MICAL3: variants seen among roughly 807,000 people sequenced by gnomAD.
The protein encoded by MICAL3 is [F-actin]-monooxygenase MICAL3.
MICAL3 carries 62 observed loss-of-function variants against 207.4 expected under a neutral mutation model. The ratio of observed to expected loss-of-function variants is 0.30; its 90% confidence interval spans 0.24 to 0.37. MICAL3 has a LOEUF of 0.37. Among genes scored for constraint, MICAL3 ranks in the 10% least tolerant of loss-of-function variants. The pLI, the probability that MICAL3 is intolerant of heterozygous loss-of-function variation, is 1.00. For missense variants in MICAL3, 2,368 were observed against 2,635.6 expected (o/e 0.90, Z 2.22); for synonymous variants, 1,077 against 1,069.3 (o/e 1.01, Z -0.14).
intron 20 of MICAL3, among the ~76,000 whole-genome samples, chr22:17,833,778 C>T (rs1377205331): frequency 6.6e-6 from 1 of 152,154 alleles, no homozygotes; most frequent in African/African-American, 2.4e-5. Context: ...CAATCATTGC[C>T]TATGTAATAA....
In MICAL3 at chr22:17,935,834, G is replaced by A. The variant is rs150608527; in HGVS notation, c.-74-28948C>T. 4.1e-3 allele frequency among the ~76,000 whole-genome samples: 623 copies of A among 152,258 alleles called. 3 individuals carry two copies. The highest frequency in any genetic ancestry group is 0.014 in the African/African-American group (583 of 41,562). ...ACAGACACATGAAAAAATGCTCATC[G>A]TCACTGGTCATCAGAGAAATGCAAA... On this transcript the variant is annotated intron_variant, in intron 1 of 31. Transcript: ENST00000441493.
At chr22:17,935,959 C>T (rs187620543) in intron 1 of MICAL3, among the ~76,000 whole-genome samples, 50 of 152,236 alleles carry the variant, frequency 3.3e-4, no homozygotes, top group African/African-American at 1.1e-3. Context: ...GAAATAGGAA[C>T]GCTTTTACAC....
At chr22:18,008,550 A>T (rs1412716126) in intron 1 of MICAL3, among the ~76,000 whole-genome samples, 2 of 152,166 alleles carry the variant, frequency 1.3e-5, no homozygotes, top group East Asian at 3.9e-4. Flanking sequence ...GAAAGGCTCC[A>T]TGTTCTTGCC....
chr22:17,881,342 C>CAA, intron 16 of MICAL3: 1 of 1,514,540 alleles, frequency 6.6e-7, no homozygotes, highest in Non-Finnish European at 9.1e-7. Context: ...GAACATCATT[C>CAA]AAACAGTGGC....
intron 19 of MICAL3, chr22:17,863,522 T>G (rs1409427902): frequency 2.0e-6 from 2 of 985,320 alleles, no homozygotes; most frequent in Non-Finnish European, 2.4e-6. Flanking sequence ...ATAAAGATCT[T>G]CAAGATTGTA....
chr22:17,981,539 T>C (rs769137849), intron 1 of MICAL3, among the ~76,000 whole-genome samples: 1 of 152,152 alleles, frequency 6.6e-6, no homozygotes, highest in Non-Finnish European at 1.5e-5. Flanking sequence ...ACTTTCTCAA[T>C]GAACAAAACA....
chr22:17,965,511 C>G (rs1227107731), intron 1 of MICAL3, among the ~76,000 whole-genome samples: 1 of 152,170 alleles, frequency 6.6e-6, no homozygotes, highest in East Asian at 1.9e-4. Flanking sequence ...AGATGAGGCC[C>G]CCAGGAATAA....
rs1924670589 is a variant in MICAL3, at chr22:18,024,369, C to G, written c.-163G>C. ...GGGTGCCCGCAGGGCACAGGTGCCG[C>G]CGTGGCTGCTCGCACAACCCCTGCA... On this transcript the variant is annotated 5_prime_UTR_variant, in exon 1 of 32. Coordinates refer to ENST00000441493, the MANE Select transcript of MICAL3 (RefSeq NM_015241.3). The G allele has an allele frequency of 6.6e-6, 1 of 152,402 alleles. No individual in the cohort carries two copies. The highest frequency in any genetic ancestry group is 2.1e-4 in the South Asian group (1 of 4,834). The allele number at this position is 152,402 out of a possible 1,614,324, so 9.4% of individuals were successfully genotyped here.
intron 29 of MICAL3, among the ~76,000 whole-genome samples, chr22:17,797,334 C>T (rs2061887163): frequency 6.6e-6 from 1 of 152,066 alleles, no homozygotes; most frequent in African/African-American, 2.4e-5. Context: ...GACCCCGTCT[C>T]TACAACAATT....
At chr22:17,872,456 G>A (rs905051375) in intron 16 of MICAL3, among the ~76,000 whole-genome samples, 1 of 152,158 alleles carries the variant, frequency 6.6e-6, no homozygotes, top group Non-Finnish European at 1.5e-5. Context: ...GGCAGGAAGG[G>A]GCCCGAGGGT....
At chr22:17,886,120 G>C (rs1023648089) in intron 15 of MICAL3, 69 bp from the exon 16 acceptor site, 2 of 1,551,414 alleles carry the variant, frequency 1.3e-6, no homozygotes, top group Non-Finnish European at 1.8e-6. Context: ...CTCCCTCACA[G>C]AAGTGCACTC....
At chr22:17,863,850 A>G (rs184906613) in intron 19 of MICAL3, 18 of 985,230 alleles carry the variant, frequency 1.8e-5, no homozygotes, top group Non-Finnish European at 1.7e-5. Context: ...TCTATGACCA[A>G]CTCCTCCTCC....
chr22:17,906,472 G>C, intron 2 of MICAL3, 77 bp downstream of exon 2: 1 of 1,608,810 alleles, frequency 6.2e-7, no homozygotes, highest in African/African-American at 1.3e-5. Flanking sequence ...TATGGTGAAT[G>C]GCCAGAGATG....
chr22:17,877,522 G>GGAGGTTAGGGAGGTGAGGGAGGTTAT (rs1928925024), intron 16 of MICAL3, among the ~76,000 whole-genome samples: 1 of 51,708 alleles, frequency 1.9e-5, no homozygotes, highest in African/African-American at 7.9e-5. Context: ...AGGGAGGTTA[G>GGAGGTTAGGGAGGTGAGGGAGGTTAT]GGAGGTGAGG....
intron 19 of MICAL3, chr22:17,858,365 C>A: frequency 3.6e-6 from 2 of 552,412 alleles, no homozygotes; most frequent in Non-Finnish European, 4.6e-6. Context: ...TACTTGCTGG[C>A]ACTTGTGAGG....
chr22:17,859,726 CT>C (rs1926312201), intron 19 of MICAL3, among the ~76,000 whole-genome samples: 1 of 152,206 alleles, frequency 6.6e-6, no homozygotes, highest in African/African-American at 2.4e-5. Flanking sequence ...AGACACGCCC[CT>C]GGCCCCAGCT....
chr22:17,990,104 T>C (rs1456837747), intron 1 of MICAL3, among the ~76,000 whole-genome samples: 1 of 142,548 alleles, frequency 7.0e-6, no homozygotes, highest in Non-Finnish European at 1.6e-5. Flanking sequence ...GCTTAAAGAA[T>C]TGCTAATAAA....
At position 18,024,287 on chromosome 22, in the gene MICAL3, G is replaced by A. The variant is rs1439448656; in HGVS notation, c.-81C>T. ...GGGACTGGAGGGTACTCACCGACTAGGGCTTCACAGCCGCATCACCGCCGG... is the reference window on the plus strand; with the variant it reads ...GGGACTGGAGGGTACTCACCGACTAAGGCTTCACAGCCGCATCACCGCCGG... On this transcript the variant is annotated 5_prime_UTR_variant, in exon 1 of 32. Coordinates refer to ENST00000441493, the MANE Select transcript of MICAL3 (RefSeq NM_015241.3). 6.6e-6 allele frequency: 1 copy of A among 152,262 alleles called. No individual in the cohort carries two copies. The highest frequency in any genetic ancestry group is 1.5e-5 in the Non-Finnish European group (1 of 68,050). 9.4% of individuals were successfully genotyped at this position (152,262 alleles called of 1,614,324 possible).
At chr22:17,956,437 GC>G (rs1934617003) in intron 1 of MICAL3, among the ~76,000 whole-genome samples, 1 of 152,172 alleles carries the variant, frequency 6.6e-6, no homozygotes, top group Non-Finnish European at 1.5e-5. Context: ...ACTTTGGGAG[GC>G]CGAGGCGGGC....
Sources: gnomAD v4.1 joint callset for allele counts (sites outside exome capture counted in the v4.1 genomes callset) on GRCh38, gnomAD v4.1.1 for gene constraint, MANE v1.5 for transcripts, NCBI Gene and HGNC (gene_info 2026-07-23, HGNC 2026-07-21) for gene names.